Variants in DGKI observed in about 807,000 individuals in gnomAD.
DGKI encodes diacylglycerol kinase iota, also known as DAG kinase iota.
DGKI carries 55 observed loss-of-function variants against 147.5 expected under a neutral mutation model. The ratio of observed to expected loss-of-function variants is 0.37; its 90% confidence interval spans 0.30 to 0.47. The LOEUF (loss-of-function observed/expected upper bound fraction) is 0.47, where lower values mean the gene tolerates loss of function less well. DGKI is among the 20% of genes least tolerant of loss of function. The probability of loss-of-function intolerance (pLI) is 1.00; values close to 1 mark genes in which losing one functional copy is unlikely to be tolerated. For synonymous variants in DGKI, 469 were observed against 477.1 expected, an observed-to-expected ratio of 0.98 and a Z score of 0.22; for missense variants, 1,007 against 1,323.8, an observed-to-expected ratio of 0.76 and a Z score of 3.71.
intron 3 of DGKI, among the ~76,000 whole-genome samples, chr7:137,672,766 C>CTTTTTTTT (rs60078498): frequency 1.1e-4 from 7 of 65,690 alleles, no homozygotes; most frequent in African/African-American, 2.9e-4. Flanking sequence ...CTCTGTGTGT[C>CTTTTTTTT]TTTTTTTTTT....
At chr7:137,746,272 C>A (rs1795326437) in intron 1 of DGKI, among the ~76,000 whole-genome samples, 1 of 152,074 alleles carries the variant, frequency 6.6e-6, no homozygotes. Flanking sequence ...GGAGCTGGAC[C>A]TAGAATATCA....
At position 137,463,818 on chromosome 7, in the gene DGKI, T is replaced by C. The variant is rs564222683; in HGVS notation, c.2613-207A>G. Among the ~76,000 whole-genome samples the C allele has an allele frequency of 1.1e-4, 17 of 152,330 alleles. No individual in the cohort carries two copies. In the South Asian group the frequency reaches 3.1e-3, roughly 28 times the overall value. On this transcript the variant is annotated intron_variant, in intron 26 of 32. Coordinates refer to ENST00000614521, the MANE Select transcript of DGKI (RefSeq NM_001321708.2). ...TGTATGATTCTGTCCCCTTCACAGA[T>C]GAGAAAACTGATTTTCAAGATTAAG...
At chr7:137,618,221 C>G (rs1392046878) in intron 8 of DGKI, among the ~76,000 whole-genome samples, 1 of 131,302 alleles carries the variant, frequency 7.6e-6, no homozygotes, top group African/African-American at 2.8e-5. Flanking sequence ...ATAAAGTTCA[C>G]GGTTATTAAA....
chr7:137,636,521 C>A (rs977359444), intron 6 of DGKI, among the ~76,000 whole-genome samples: 1 of 152,208 alleles, frequency 6.6e-6, no homozygotes, highest in African/African-American at 2.4e-5. Flanking sequence ...CCAGATAACT[C>A]TGCTTCAGGC....
At chr7:137,690,176 G>A (rs1246214465) in intron 1 of DGKI, among the ~76,000 whole-genome samples, 174 bp from the exon 2 acceptor site, 1 of 152,180 alleles carries the variant, frequency 6.6e-6, no homozygotes, top group Admixed American at 6.5e-5. Flanking sequence ...GGTGTCCAAA[G>A]AGGGTGGCAG....
At chr7:137,832,768 C>T (rs918585412) in intron 1 of DGKI, among the ~76,000 whole-genome samples, 3 of 152,236 alleles carry the variant, frequency 2.0e-5, no homozygotes, top group African/African-American at 7.2e-5. Context: ...CATCGTCAGG[C>T]TGCAAATTTT....
chr7:137,565,110 A>G (rs1393043528), intron 19 of DGKI, among the ~76,000 whole-genome samples: 1 of 152,238 alleles, frequency 6.6e-6, no homozygotes, highest in Non-Finnish European at 1.5e-5. Flanking sequence ...AAATGTGAAG[A>G]GAGGTTTACA....
In DGKI at chr7:137,821,712, G is replaced by T. The variant is rs529876791; in HGVS notation, c.401+24750C>A. ...GGAGATGACAATAAAAGAGACAGAT[G>T]ACAACCTTTTTGGAAGCTGCGAAGT... On this transcript the variant is annotated intron_variant, in intron 1 of 32. Transcript: ENST00000614521. Among the ~76,000 whole-genome samples, 3 of 152,092 alleles carry T rather than the reference G, an allele frequency of 2.0e-5. No homozygotes were observed. In the East Asian group the frequency reaches 5.8e-4, roughly 29 times the overall value.
chr7:137,434,329 C>T (rs993585787), intron 28 of DGKI, among the ~76,000 whole-genome samples: 17 of 152,118 alleles, frequency 1.1e-4, no homozygotes, highest in African/African-American at 4.1e-4. Context: ...CCTGTAATCC[C>T]AGCACTTTGG....
At chr7:137,774,885 T>C (rs1234136194) in intron 1 of DGKI, 1 of 152,170 alleles carries the variant, frequency 6.6e-6, no homozygotes, top group Non-Finnish European at 1.5e-5. Flanking sequence ...GGAGTCAAGA[T>C]TTCTGTGACG....
At chr7:137,735,381 A>G (rs1794993636) in intron 1 of DGKI, among the ~76,000 whole-genome samples, 1 of 151,800 alleles carries the variant, frequency 6.6e-6, no homozygotes, top group Non-Finnish European at 1.5e-5. Flanking sequence ...ACCTTTCTCT[A>G]TCTGGTTAGA....
At chr7:137,515,153 C>T (rs919418087) in intron 21 of DGKI, among the ~76,000 whole-genome samples, 1 of 152,186 alleles carries the variant, frequency 6.6e-6, no homozygotes, top group African/African-American at 2.4e-5. Context: ...TCCACATATA[C>T]ATGCACTCTT....
At chr7:137,824,409 G>C (rs977756579) in intron 1 of DGKI, among the ~76,000 whole-genome samples, 2 of 151,658 alleles carry the variant, frequency 1.3e-5, no homozygotes, top group South Asian at 4.2e-4. Flanking sequence ...CCAACTACTC[G>C]GGAGGCTGAG....
chr7:137,668,171 T>C (rs1367234482), intron 3 of DGKI, among the ~76,000 whole-genome samples: 2 of 152,212 alleles, frequency 1.3e-5, no homozygotes, highest in Non-Finnish European at 2.9e-5. Context: ...AAATATGATA[T>C]TTAACGTGAT....
chr7:137,405,826 C>T (rs1233375602), intron 30 of DGKI, among the ~76,000 whole-genome samples: 1 of 152,108 alleles, frequency 6.6e-6, no homozygotes, highest in Non-Finnish European at 1.5e-5. Context: ...CACAGCCCTC[C>T]CAGCTGAAAG....
At chr7:137,503,667 G>A (rs888111133) in intron 21 of DGKI, among the ~76,000 whole-genome samples, 9 of 152,042 alleles carry the variant, frequency 5.9e-5, no homozygotes, top group Admixed American at 1.3e-4. Context: ...GGAAAATTAC[G>A]ATTCCAGATA....
chr7:137,712,679 C>A (rs1794250852), intron 1 of DGKI, among the ~76,000 whole-genome samples: 1 of 152,150 alleles, frequency 6.6e-6, no homozygotes, highest in Non-Finnish European at 1.5e-5. Context: ...AACCTGCAGG[C>A]ACTCTTTGGA....
intron 1 of DGKI, among the ~76,000 whole-genome samples, chr7:137,737,967 A>G (rs1477104370): frequency 6.6e-6 from 1 of 152,194 alleles, no homozygotes; most frequent in African/African-American, 2.4e-5. Context: ...AACTGGGGAT[A>G]ACACAAGGGA....
Position 137,390,717 on chromosome 7 carries a change from TC to T in DGKI, c.*502del, listed in dbSNP as rs1252231918. 2 of 156,482 alleles carry T rather than the reference TC, an allele frequency of 1.3e-5. No individual in the cohort carries two copies. Among genetic ancestry groups the T allele is most frequent in the Non-Finnish European group, 2.8e-5 (2 of 70,304 alleles). 9.7% of individuals were successfully genotyped at this position (156,482 alleles called of 1,614,324 possible). A position where few individuals can be genotyped will look rare whatever the true frequency, so the allele number is the denominator to read the frequency against. On this transcript the variant is annotated 3_prime_UTR_variant, in exon 33 of 33. Transcript: ENST00000614521. Reference sequence around the variant, plus strand: ...ATGGAAGTGGTTTTACAGTTATATTTCTGCAGGACATTCAGAAGGTTTTAGA... The same window carrying T: ...ATGGAAGTGGTTTTACAGTTATATTTTGCAGGACATTCAGAAGGTTTTAGA...
Sources: gnomAD v4.1 joint callset for allele counts (sites outside exome capture counted in the v4.1 genomes callset) on GRCh38, gnomAD v4.1.1 for gene constraint, MANE v1.5 for transcripts, NCBI Gene and HGNC (gene_info 2026-07-23, HGNC 2026-07-21) for gene names.